PPM1M: variants seen among roughly 807,000 people sequenced by gnomAD.
PPM1M encodes protein phosphatase 1M.
PPM1M carries 44 observed loss-of-function variants against 50.8 expected under a neutral mutation model. The ratio of observed to expected loss-of-function variants is 0.87; its 90% confidence interval spans 0.68 to 1.11. The LOEUF (loss-of-function observed/expected upper bound fraction) is 1.11, where lower values mean the gene tolerates loss of function less well. Among genes scored for constraint, PPM1M ranks in the 50% most tolerant of loss-of-function variants. The pLI, the probability that PPM1M is intolerant of heterozygous loss-of-function variation, is 0.00. For missense variants in PPM1M, 556 were observed against 593.4 expected, an observed-to-expected ratio of 0.94 and a Z score of 0.66; for synonymous variants, 224 against 242.9, an observed-to-expected ratio of 0.92 and a Z score of 0.72.
In PPM1M at chr3:52,248,115, G is replaced by C. The variant is rs759817138; in HGVS notation, c.711-38G>C. The stretch of plus-strand genomic sequence containing the variant: ...AGGGTGGCCATGGGTGAGGGTGGAG[G>C]CCTCCTCCTAGACCTCTCCCTTCTC... On this transcript the variant is annotated intron_variant, in intron 4 of 9. Coordinates refer to ENST00000323588, the MANE Select transcript of PPM1M (RefSeq NM_144641.4). 34 of 1,551,854 alleles carry C rather than the reference G, an allele frequency of 2.2e-5. No individual in the cohort carries two copies. The South Asian group carries it at 3.0e-4, about 14-fold the overall frequency.
Position 52,245,769 on chromosome 3 carries a change from C to A in PPM1M, c.-56C>A. ...GCCCGCGGCCCGCTTCTTCCTCCCG[C>A]GGGCGGCCCAGCCCTAGCGCCCCGC... On this transcript the variant is annotated 5_prime_UTR_variant, in exon 1 of 10. Coordinates refer to ENST00000323588, the MANE Select transcript of PPM1M (RefSeq NM_144641.4). This position sits in a 1 kb window ranked among gnomAD's most constrained non-coding sequence, Gnocchi z 4.8. 1.1e-6 allele frequency: 1 copy of A among 878,932 alleles called. No homozygotes were observed. Among genetic ancestry groups the A allele is most frequent in the Non-Finnish European group, 1.4e-6 (1 of 734,104 alleles). The allele number at this position is 878,932 out of a possible 1,614,324, so 54.4% of individuals were successfully genotyped here.
chr3:52,247,355 G>C, intron 3 of PPM1M, 127 bp downstream of exon 3: 1 of 1,368,518 alleles, frequency 7.3e-7, no homozygotes, highest in Middle Eastern at 1.9e-4. Flanking sequence ...GATTGGGTTG[G>C]TTGGATTGTT....
In PPM1M at chr3:52,248,389, C is replaced by T. The variant is rs370443102; in HGVS notation, c.850C>T (p.Arg284Trp). Residue 284 changes from arginine (R) to tryptophan (W), a missense_variant, in exon 6 of 10, where the codon CGG becomes TGG. Coordinates refer to ENST00000323588, the MANE Select transcript of PPM1M (RefSeq NM_144641.4). ...AGEFTRLEFP[R>W]RLKGDDLGQK... ...TGAGTTCACCCGACTGGAGTTCCCT[C>T]GGCGGCTGAAGGGGGATGACTTGGG... 31 of 1,613,626 alleles carry T rather than the reference C, an allele frequency of 1.9e-5. No homozygotes were observed. The highest frequency in any genetic ancestry group is 2.3e-5 in the Non-Finnish European group (27 of 1,179,780).
Position 52,249,006 on chromosome 3 carries a change from G to C in PPM1M, c.1029G>C (p.Gln343His), listed in dbSNP as rs765988455. ...LAVSRGLGDH[Q>H]LRVLDTNIQL... ...TCTCCCGGGGCCTGGGAGACCATCAGCTCAGAGTCCTGGACACAAACATCC... is the reference window on the plus strand; with the variant it reads ...TCTCCCGGGGCCTGGGAGACCATCACCTCAGAGTCCTGGACACAAACATCC... Residue 343 changes from glutamine to histidine, a missense_variant, in exon 8 of 10, where the codon CAG becomes CAC. Transcript: ENST00000323588. The C allele has an allele frequency of 1.2e-6, 2 of 1,611,390 alleles. No individual in the cohort carries two copies. Among genetic ancestry groups the C allele is most frequent in the Non-Finnish European group, 1.7e-6 (2 of 1,178,802 alleles).
chr3:52,249,466 G>C, intron 9 of PPM1M, 144 bp downstream of exon 9: 2 of 1,269,266 alleles, frequency 1.6e-6, no homozygotes, highest in Non-Finnish European at 2.2e-6. Flanking sequence ...GGAGGAGGCA[G>C]GGAGACCGTG....
At chr3:52,249,611 G>A in intron 9 of PPM1M, 59 bp from the exon 10 acceptor site, 1 of 1,605,582 alleles carries the variant, frequency 6.2e-7, no homozygotes, top group Non-Finnish European at 8.5e-7. Flanking sequence ...GTTCTCCTAA[G>A]GTCTGGCCTT....
In PPM1M at chr3:52,246,484, C is replaced by A. The variant is rs77194899; in HGVS notation, c.225-211C>A. On this transcript the variant is annotated intron_variant, in intron 1 of 9. Transcript: ENST00000323588. ...CTAGCCCTGGGTCACCAGGTAGGCT[C>A]CAGAGGAGCTGGGCCCTGACTTTTA... is the stretch of plus-strand genomic sequence containing the variant. 7.4e-5 allele frequency: 46 copies of A among 623,024 alleles called. No individual in the cohort carries two copies. In the East Asian group the frequency reaches 3.1e-3, roughly 42 times the overall value. 38.6% of individuals were successfully genotyped at this position (623,024 alleles called of 1,614,324 possible).
At chr3:52,248,761 G>A in intron 7 of PPM1M, 61 bp downstream of exon 7, 6 of 1,536,564 alleles carry the variant, frequency 3.9e-6, no homozygotes, top group Non-Finnish European at 5.4e-6. Context: ...GCAGAGGTGG[G>A]AGCTCCTTTG....
At position 52,246,608 on chromosome 3, in the gene PPM1M, G is replaced by C. The variant is rs543497587; in HGVS notation, c.225-87G>C. The C allele has an allele frequency of 3.9e-5, 32 of 818,726 alleles. No homozygotes were observed. In the Middle Eastern group the frequency reaches 1.3e-3, roughly 33 times the overall value. 50.7% of individuals were successfully genotyped at this position (818,726 alleles called of 1,614,324 possible). ...GGGAGCTGTTGCCCCAGAGGGAGGG[G>C]TCTTCTCCCTGTGCTGGCTTGGGTC... On this transcript the variant is annotated intron_variant, in intron 1 of 9. Coordinates refer to ENST00000323588, the MANE Select transcript of PPM1M (RefSeq NM_144641.4).
chr3:52,248,630 C>G lies in PPM1M; in HGVS notation c.915-7C>G. ...GCTTGGGTTGATGCTGGCTCTGCTC[C>G]TGGTAGGAGCTACAAACGTGTGGAG... On this transcript the variant is annotated splice_region_variant and splice_polypyrimidine_tract_variant and intron_variant, in intron 6 of 9. Coordinates refer to ENST00000323588, the MANE Select transcript of PPM1M (RefSeq NM_144641.4). The G allele has an allele frequency of 2.5e-6, 4 of 1,613,906 alleles. No homozygotes were observed. Among genetic ancestry groups the G allele is most frequent in the Non-Finnish European group, 3.4e-6 (4 of 1,179,846 alleles).
chr3:52,245,852 T>G lies in PPM1M; in HGVS notation c.28T>G (p.Phe10Val). Residue 10 changes from phenylalanine to valine, a missense_variant, in exon 1 of 10, where the codon TTC becomes GTC. Physicochemically the swap from Phe to Val is conservative, Grantham distance 50. Transcript: ENST00000323588. This position sits in a 1 kb window ranked among gnomAD's most constrained non-coding sequence, Gnocchi z 4.8. ...GTCCGCCGGCTGGTTCCGGCGCCGCTTCCTGCCTGGGGAGCCGCTCCCCGC... is the reference window on the plus strand; with the variant it reads ...GTCCGCCGGCTGGTTCCGGCGCCGCGTCCTGCCTGGGGAGCCGCTCCCCGC... MSAGWFRRR[F>V]LPGEPLPAPR... is the part of the protein sequence containing the mutation. 1 of 1,083,388 alleles carries G rather than the reference T, an allele frequency of 9.2e-7. No individual in the cohort carries two copies. 67.1% of individuals were successfully genotyped at this position (1,083,388 alleles called of 1,614,324 possible). A position where few individuals can be genotyped will look rare whatever the true frequency, so the allele number is the denominator to read the frequency against.
At position 52,245,760 on chromosome 3, in the gene PPM1M, T is replaced by C; in HGVS notation, c.-65T>C. The C allele has an allele frequency of 3.6e-6, 3 of 829,118 alleles. No homozygotes were observed. The highest frequency in any genetic ancestry group is 4.4e-6 in the Non-Finnish European group (3 of 688,512). 51.4% of individuals were successfully genotyped at this position (829,118 alleles called of 1,614,324 possible). Reference sequence around the variant, plus strand: ...CTCGGCTCCGCCCGCGGCCCGCTTCTTCCTCCCGCGGGCGGCCCAGCCCTA... The same window carrying C: ...CTCGGCTCCGCCCGCGGCCCGCTTCCTCCTCCCGCGGGCGGCCCAGCCCTA... On this transcript the variant is annotated 5_prime_UTR_variant, in exon 1 of 10. Transcript: ENST00000323588. The surrounding 1 kb of genome is among the most constrained non-coding windows in gnomAD (Gnocchi z 4.8).
intron 4 of PPM1M, 49 bp from the exon 5 acceptor site, chr3:52,248,104 T>A: frequency 1.3e-6 from 2 of 1,509,308 alleles, no homozygotes; most frequent in Non-Finnish European, 1.8e-6. Flanking sequence ...TGGCCATGGG[T>A]GAGGGTGGAG....
chr3:52,247,562 T>C (rs756884395), intron 3 of PPM1M, 120 bp from the exon 4 acceptor site: 55 of 733,664 alleles, frequency 7.5e-5, no homozygotes, highest in Non-Finnish European at 1.2e-4. Flanking sequence ...TGGCTGGACT[T>C]TGGGCTGGGA....
rs1039835582 is a variant in PPM1M at position 52,248,990 on chromosome 3, G to A, written c.1013G>A (p.Gly338Asp). 7 of 1,610,280 alleles carry A rather than the reference G, an allele frequency of 4.3e-6. 1 individual carries two copies. Among genetic ancestry groups the A allele is most frequent in the South Asian group, 1.1e-5 (1 of 90,316 alleles). ...RLLGTLAVSRGLGDHQLRVLD... is the reference protein window; with the variant it reads ...RLLGTLAVSRDLGDHQLRVLD... ...CTAGGAACACTGGCTGTCTCCCGGG[G>A]CCTGGGAGACCATCAGCTCAGAGTC... is the stretch of plus-strand genomic sequence containing the variant. Residue 338 changes from glycine (G) to aspartate (D), a missense_variant, in exon 8 of 10, where the codon GGC (glycine) becomes GAC (aspartate). Transcript: ENST00000323588.
Position 52,246,687 on chromosome 3 carries a change from G to A in PPM1M, c.225-8G>A, listed in dbSNP as rs1699861602. ...CCTGGAGGGTCGCTTACCATTTCCCGGCCTCAGGATTATCAATGCAGAGAA... is the reference window on the plus strand; with the variant it reads ...CCTGGAGGGTCGCTTACCATTTCCCAGCCTCAGGATTATCAATGCAGAGAA... On this transcript the variant is annotated splice_region_variant and splice_polypyrimidine_tract_variant and intron_variant, in intron 1 of 9. Transcript: ENST00000323588. 1.2e-5 allele frequency: 15 copies of A among 1,303,176 alleles called. No homozygotes were observed. The highest frequency in any genetic ancestry group is 1.5e-5 in the Non-Finnish European group (15 of 987,548). 80.7% of individuals were successfully genotyped at this position (1,303,176 alleles called of 1,614,324 possible).
intron 4 of PPM1M, 136 bp from the exon 5 acceptor site, chr3:52,248,017 G>A: frequency 5.9e-6 from 5 of 841,614 alleles, no homozygotes; most frequent in South Asian, 3.1e-5. Flanking sequence ...CAGGTCTTAG[G>A]TAGTCATGGA....
At position 52,245,770 on chromosome 3, in the gene PPM1M, G is replaced by A. The variant is rs1021685021; in HGVS notation, c.-55G>A. 597 of 885,112 alleles carry A rather than the reference G, an allele frequency of 6.7e-4. No individual in the cohort carries two copies. The highest frequency in any genetic ancestry group is 7.6e-4 in the Non-Finnish European group (563 of 739,984). 54.8% of individuals were successfully genotyped at this position (885,112 alleles called of 1,614,324 possible). A position where few individuals can be genotyped will look rare whatever the true frequency, so the allele number is the denominator to read the frequency against. ...CCCGCGGCCCGCTTCTTCCTCCCGC[G>A]GGCGGCCCAGCCCTAGCGCCCCGCG... On this transcript the variant is annotated 5_prime_UTR_variant, in exon 1 of 10. Coordinates refer to ENST00000323588, the MANE Select transcript of PPM1M (RefSeq NM_144641.4). This position sits in a 1 kb window ranked among gnomAD's most constrained non-coding sequence, Gnocchi z 4.8.
chr3:52,247,661 G>A (rs1187842249), intron 3 of PPM1M, 21 bp from the exon 4 acceptor site: 2 of 1,514,270 alleles, frequency 1.3e-6, no homozygotes, highest in Admixed American at 3.7e-5. Context: ...CAGCAGCTAA[G>A]GTGGCCTCGG....
Sources: gnomAD v4.1 joint callset for allele counts on GRCh38, gnomAD v4.1.1 for gene constraint, Gnocchi (gnomAD v3.1) non-coding constraint, MANE v1.5 for transcripts, NCBI Gene and HGNC (gene_info 2026-07-23, HGNC 2026-07-21) for gene names.